CRISPLD1: variants seen among roughly 807,000 people sequenced by gnomAD.
The protein encoded by CRISPLD1 is cysteine rich secretory protein LCCL domain containing 1.
A neutral mutation model predicts 77.5 loss-of-function variants in CRISPLD1; 60 were observed. That is an observed-to-expected ratio of 0.77 (90% CI 0.63 to 0.96). The LOEUF is 0.96. CRISPLD1 is among the 40% of genes least tolerant of loss of function. CRISPLD1 has a pLI of 0.00. For synonymous variants in CRISPLD1, 195 were observed against 200.1 expected (o/e 0.97, Z 0.22); for missense variants, 623 against 615.8 (o/e 1.01, Z -0.12).
chr8:75,027,402 AT>A (rs1168202205), intron 13 of CRISPLD1, among the ~76,000 whole-genome samples: 1 of 152,182 alleles, frequency 6.6e-6, no homozygotes, highest in Non-Finnish European at 1.5e-5. Flanking sequence ...TACTTTTCAG[AT>A]TTTCCCTTTA....
chr8:75,003,871 A>C (rs10096008), intron 2 of CRISPLD1, among the ~76,000 whole-genome samples: 1 of 152,144 alleles, frequency 6.6e-6, no homozygotes, highest in East Asian at 1.9e-4. Context: ...TGGCTTTGCT[A>C]TCCCACAAAG....
chr8:74,996,688 C>CA (rs1812650119), intron 2 of CRISPLD1, among the ~76,000 whole-genome samples: 2 of 143,748 alleles, frequency 1.4e-5, no homozygotes, highest in Admixed American at 1.4e-4. Context: ...ATAAGGTAGA[C>CA]ATACCAGCAT....
chr8:75,030,009 T>A (rs1481497862), intron 14 of CRISPLD1, among the ~76,000 whole-genome samples: 1 of 152,158 alleles, frequency 6.6e-6, no homozygotes, highest in African/African-American at 2.4e-5. Context: ...TTTTTCATAT[T>A]ATTTAACCCA....
At chr8:74,995,414 G>A (rs1812631522) in intron 2 of CRISPLD1, among the ~76,000 whole-genome samples, 1 of 152,178 alleles carries the variant, frequency 6.6e-6, no homozygotes, top group Admixed American at 6.5e-5. Flanking sequence ...TCAAGAATGG[G>A]ATCAGAAAAA....
intron 2 of CRISPLD1, among the ~76,000 whole-genome samples, chr8:75,004,766 T>G (rs1279757109): frequency 6.6e-6 from 1 of 152,190 alleles, no homozygotes; most frequent in African/African-American, 2.4e-5. Flanking sequence ...GATAATTCTG[T>G]ATGTCTTTGA....
intron 1 of CRISPLD1, among the ~76,000 whole-genome samples, 193 bp downstream of exon 1, chr8:74,985,113 CTT>C (rs754717238): frequency 6.6e-6 from 1 of 152,030 alleles, no homozygotes; most frequent in Non-Finnish European, 1.5e-5. Flanking sequence ...TTGTAAGTGA[CTT>C]TGTTGGTTTC....
At chr8:74,996,684 T>G (rs2128781758) in intron 2 of CRISPLD1, among the ~76,000 whole-genome samples, 2 of 149,130 alleles carry the variant, frequency 1.3e-5, no homozygotes, top group East Asian at 2.0e-4. Flanking sequence ...GAAAATAAGG[T>G]AGACATACCA....
chr8:75,014,726 G>T, intron 5 of CRISPLD1, 86 bp from the exon 6 acceptor site: 1 of 816,728 alleles, frequency 1.2e-6, no homozygotes. Context: ...TAATTACTTA[G>T]AATGTTCATA....
chr8:74,988,375 CTA>C (rs1367850561), intron 2 of CRISPLD1, among the ~76,000 whole-genome samples: 1 of 152,118 alleles, frequency 6.6e-6, no homozygotes, highest in Non-Finnish European at 1.5e-5. Flanking sequence ...CCCTTATACC[CTA>C]TGTGTCTGTC....
chr8:75,014,929 T>G lies in CRISPLD1; in HGVS notation c.727+17T>G. 1 of 1,494,092 alleles carries G rather than the reference T, an allele frequency of 6.7e-7. No individual in the cohort carries two copies. Among genetic ancestry groups the G allele is most frequent in the Non-Finnish European group, 9.0e-7 (1 of 1,112,472 alleles). 92.6% of individuals were successfully genotyped at this position (1,494,092 alleles called of 1,614,324 possible). ...GCTACAAAGGTAAGTGCTATTGTGTTGTGGTATTCATGTTGATTTATATTT... is the reference window on the plus strand; with the variant it reads ...GCTACAAAGGTAAGTGCTATTGTGTGGTGGTATTCATGTTGATTTATATTT... On this transcript the variant is annotated intron_variant, in intron 6 of 14. Transcript: ENST00000262207.
rs191795763 is a variant in CRISPLD1 at position 75,000,419 on chromosome 8, A to C, written c.259-12014A>C. ...AGAGTACTGTGAATAAGTGAGTACA[A>C]CCTGAACAAATACAAAGCAGTGCTA... On this transcript the variant is annotated intron_variant, in intron 2 of 14. Coordinates refer to ENST00000262207, the MANE Select transcript of CRISPLD1 (RefSeq NM_031461.6). The C allele has an allele frequency of 1.6e-5, 16 of 985,386 alleles. No homozygotes were observed. The East Asian group carries it at 1.7e-3, about 105-fold the overall frequency. The allele number at this position is 985,386 out of a possible 1,614,324, so 61.0% of individuals were successfully genotyped here.
intron 2 of CRISPLD1, among the ~76,000 whole-genome samples, chr8:74,989,410 G>A (rs972921216): frequency 2.6e-5 from 4 of 152,148 alleles, no homozygotes; most frequent in African/African-American, 9.7e-5. Flanking sequence ...CTAGATTTCA[G>A]CAGGTTCACA....
At chr8:75,016,830 T>C (rs1813038202) in intron 7 of CRISPLD1, 51 bp from the exon 8 acceptor site, 1 of 1,523,142 alleles carries the variant, frequency 6.6e-7, no homozygotes, top group Non-Finnish European at 8.9e-7. Flanking sequence ...TATAATGAAC[T>C]ACAACTGCTT....
intron 2 of CRISPLD1, among the ~76,000 whole-genome samples, chr8:75,009,749 A>G (rs1056643111): frequency 6.6e-6 from 1 of 152,142 alleles, no homozygotes; most frequent in Non-Finnish European, 1.5e-5. Context: ...AGAGACGATT[A>G]CTTCTCCAAC....
At position 75,016,612 on chromosome 8, in the gene CRISPLD1, A is replaced by ATAGAAC; in HGVS notation, c.776_781dup (p.Glu260_Arg261insLeuGlu). 6.2e-7 allele frequency: 1 copy of ATAGAAC among 1,613,650 alleles called. No individual in the cohort carries two copies. The highest frequency in any genetic ancestry group is 8.5e-7 in the Non-Finnish European group (1 of 1,179,660). ...CCCTCGAGAAGAGGAAACAAATGAA[A>ATAGAAC]TAGAACGACAGCAGTCACAAGTCCA... is the stretch of plus-strand genomic sequence containing the variant. On this transcript the variant is annotated inframe_insertion, in exon 7 of 15. Coordinates refer to ENST00000262207, the MANE Select transcript of CRISPLD1 (RefSeq NM_031461.6).
At chr8:74,991,930 T>A (rs1302095862) in intron 2 of CRISPLD1, among the ~76,000 whole-genome samples, 1 of 152,208 alleles carries the variant, frequency 6.6e-6, no homozygotes, top group Non-Finnish European at 1.5e-5. Context: ...TATTTAAGCC[T>A]ATTTATAGTA....
intron 2 of CRISPLD1, among the ~76,000 whole-genome samples, chr8:74,991,693 G>C (rs760962090): frequency 1.3e-5 from 2 of 152,074 alleles, no homozygotes; most frequent in Non-Finnish European, 2.9e-5. Context: ...ACTTTGCCTG[G>C]CTAATTTTTT....
chr8:75,026,575 CAAAGTCTGAAAGTGCATGCTGAT>C (rs1554534933), intron 13 of CRISPLD1: 1 of 152,156 alleles, frequency 6.6e-6, no homozygotes, highest in Non-Finnish European at 1.5e-5. Context: ...AGTGTGTAGA[CAAAGTCTGAAAGTGCATGCTGAT>C]GAGTTTACGT....
At chr8:74,995,669 G>A (rs1812636239) in intron 2 of CRISPLD1, among the ~76,000 whole-genome samples, 1 of 152,162 alleles carries the variant, frequency 6.6e-6, no homozygotes, top group African/African-American at 2.4e-5. Context: ...CTTCCAGCCT[G>A]AAGTTTTCAA....
Sources: gnomAD v4.1 joint callset for allele counts (sites outside exome capture counted in the v4.1 genomes callset) on GRCh38, gnomAD v4.1.1 for gene constraint, MANE v1.5 for transcripts, NCBI Gene and HGNC (gene_info 2026-07-23, HGNC 2026-07-21) for gene names.